The following RTF1 variants were observed in gnomAD, a reference collection of about 807,000 sequenced individuals.
RTF1 encodes RNA polymerase-associated protein RTF1 homolog.
In RTF1, 10 loss-of-function variants were observed where a neutral mutation model predicts 95.7. That is an observed-to-expected ratio of 0.10 (90% CI 0.06 to 0.18). RTF1 has a LOEUF of 0.18. RTF1 is among the 10% of genes least tolerant of loss of function. RTF1 has a pLI of 1.00. For missense variants in RTF1, 458 were observed against 875.6 expected, an observed-to-expected ratio of 0.52 and a Z score of 6.02; for synonymous variants, 305 against 311.8, an observed-to-expected ratio of 0.98 and a Z score of 0.23.
At position 41,480,261 on chromosome 15, in the gene RTF1, C is replaced by G. The variant is rs754100145; in HGVS notation, c.1962C>G (p.Leu654=). Residue 654 remains leucine (L), a synonymous_variant, in exon 17 of 18, where the codon CTC becomes CTG. Transcript: ENST00000389629. The stretch of plus-strand genomic sequence containing the variant: ...TGAATTCTAAGTCAGCCAGTGACCT[C>G]TCAGAAGATCTGTTCAAAGTACACG... ...KDLNSKSASD[L]SEDLFKVHDF... is the part of the protein sequence containing the mutation. The G allele has an allele frequency of 1.9e-6, 3 of 1,614,066 alleles. No homozygotes were observed. The South Asian group carries it at 3.3e-5, about 18-fold the overall frequency.
At chr15:41,467,221 A>G (rs1394184260) in intron 6 of RTF1, among the ~76,000 whole-genome samples, 1 of 151,788 alleles carries the variant, frequency 6.6e-6, no homozygotes, top group Admixed American at 6.6e-5. Flanking sequence ...GGTCTGTTCT[A>G]CCTCTCTCTT....
chr15:41,423,015 A>G (rs2050610448), intron 1 of RTF1, among the ~76,000 whole-genome samples: 1 of 151,740 alleles, frequency 6.6e-6, no homozygotes, highest in Non-Finnish European at 1.5e-5. Flanking sequence ...CTCGTGATCC[A>G]CCCTCCTCGG....
Position 41,469,419 on chromosome 15 carries a change from A to G in RTF1, c.890-838A>G, listed in dbSNP as rs539500403. Among the ~76,000 whole-genome samples the G allele has an allele frequency of 2.5e-3, 384 of 151,280 alleles. 2 individuals carry two copies. The highest frequency in any genetic ancestry group is 6.5e-3 in the South Asian group (31 of 4,770). On this transcript the variant is annotated intron_variant, in intron 6 of 17. Coordinates refer to ENST00000389629, the MANE Select transcript of RTF1 (RefSeq NM_015138.5). The stretch of plus-strand genomic sequence containing the variant: ...GTATTTTTGGTAGAGATGCAGATTC[A>G]CCATGTTGCCCAGGCTGGTCCCAAA...
At chr15:41,445,477 G>T (rs1405616102) in intron 2 of RTF1, among the ~76,000 whole-genome samples, 2 of 152,080 alleles carry the variant, frequency 1.3e-5, no homozygotes, top group Non-Finnish European at 2.9e-5. Flanking sequence ...TTGTGCTTTT[G>T]TCTTCATAAC....
chr15:41,457,898 T>TCCCCCCCC (rs11313160), intron 4 of RTF1, 22 bp downstream of exon 4: 1 of 1,496,052 alleles, frequency 6.7e-7, no homozygotes, highest in Non-Finnish European at 9.1e-7. Context: ...CTCGTCGTTG[T>TCCCCCCCC]CCCCCCCCCG....
intron 4 of RTF1, among the ~76,000 whole-genome samples, chr15:41,460,148 C>T (rs1174257510): frequency 4.8e-5 from 7 of 144,742 alleles, no homozygotes; most frequent in Non-Finnish European, 7.6e-5. Context: ...TTGAGACAGA[C>T]TTTCATTCTT....
At chr15:41,457,905 C>A (rs201885004) in intron 4 of RTF1, 29 bp downstream of exon 4, 11 of 1,564,556 alleles carry the variant, frequency 7.0e-6, no homozygotes, top group South Asian at 5.6e-5. Flanking sequence ...TTGTCCCCCC[C>A]CCGCCCCCAC....
intron 1 of RTF1, among the ~76,000 whole-genome samples, chr15:41,427,174 CAG>C (rs1162284336): frequency 2.0e-5 from 2 of 99,934 alleles, no homozygotes; most frequent in African/African-American, 8.1e-5. Flanking sequence ...TTTTTTGAGA[CAG>C]AGTCTTGCTC....
At chr15:41,456,241 C>T (rs2050815300) in intron 3 of RTF1, among the ~76,000 whole-genome samples, 1 of 151,000 alleles carries the variant, frequency 6.6e-6, no homozygotes, top group Non-Finnish European at 1.5e-5. Context: ...AATCCCAGCA[C>T]TTTGGGAGGC....
At chr15:41,467,848 A>C (rs1367883766) in intron 6 of RTF1, among the ~76,000 whole-genome samples, 4 of 152,078 alleles carry the variant, frequency 2.6e-5, no homozygotes, top group Non-Finnish European at 5.9e-5. Flanking sequence ...AACATGGTGC[A>C]AGCCCATCTC....
At chr15:41,419,941 T>TACTC in intron 1 of RTF1, among the ~76,000 whole-genome samples, 1 of 152,118 alleles carries the variant, frequency 6.6e-6, no homozygotes, top group Non-Finnish European at 1.5e-5. Flanking sequence ...TGCTTCAGCC[T>TACTC]CCCGTGTAGC....
At chr15:41,417,918 G>C (rs1024433833) in intron 1 of RTF1, among the ~76,000 whole-genome samples, 3 of 152,086 alleles carry the variant, frequency 2.0e-5, no homozygotes, top group African/African-American at 7.2e-5. Flanking sequence ...CCCTTGTTGA[G>C]GTGTCAGACC....
In RTF1 at chr15:41,479,204, T is replaced by C; in HGVS notation, c.1914+6T>C. The C allele has an allele frequency of 6.3e-7, 1 of 1,597,732 alleles. No individual in the cohort carries two copies. The highest frequency in any genetic ancestry group is 8.6e-7 in the Non-Finnish European group (1 of 1,165,644). On this transcript the variant is annotated splice_donor_region_variant and intron_variant, in intron 16 of 17. Coordinates refer to ENST00000389629, the MANE Select transcript of RTF1 (RefSeq NM_015138.5). ...CTCCAAAGGAAATGAGCAAGGCAAG[T>C]GTGGTACCACCCTGTTGCCTGCTGA...
rs369433888 is a variant in RTF1, at chr15:41,428,211, C to T, written c.199-10110C>T. On this transcript the variant is annotated intron_variant, in intron 1 of 17. Coordinates refer to ENST00000389629, the MANE Select transcript of RTF1 (RefSeq NM_015138.5). ...CTTGAAGAGATAAAGGACACTGTCA[C>T]TTTGGGGGTTCTTGTTCCAACCCCT... is the stretch of plus-strand genomic sequence containing the variant. Among the ~76,000 whole-genome samples the T allele has an allele frequency of 3.4e-5, 5 of 145,232 alleles. No homozygotes were observed. In the East Asian group the frequency reaches 1.0e-3, roughly 30 times the overall value.
In RTF1 at chr15:41,464,896, C is replaced by A; in HGVS notation, c.777+11C>A. 1 of 1,520,274 alleles carries A rather than the reference C, an allele frequency of 6.6e-7. No homozygotes were observed. The highest frequency in any genetic ancestry group is 1.3e-5 in the South Asian group (1 of 77,514). 94.2% of individuals were successfully genotyped at this position (1,520,274 alleles called of 1,614,324 possible). A position where few individuals can be genotyped will look rare whatever the true frequency, so the allele number is the denominator to read the frequency against. On this transcript the variant is annotated intron_variant, in intron 5 of 17. Coordinates refer to ENST00000389629, the MANE Select transcript of RTF1 (RefSeq NM_015138.5). Reference sequence around the variant, plus strand: ...ATTCAAGAATCTCAGGTAGGAGATTCAGTGTTCCTCATTGTCCAAAGAATA... The same window carrying A: ...ATTCAAGAATCTCAGGTAGGAGATTAAGTGTTCCTCATTGTCCAAAGAATA...
chr15:41,467,704 G>A (rs560652632), intron 6 of RTF1, among the ~76,000 whole-genome samples: 1 of 151,346 alleles, frequency 6.6e-6, no homozygotes, highest in South Asian at 2.1e-4. Context: ...AACAGAGTGA[G>A]ACTCAATCTT....
At chr15:41,440,866 A>G (rs1367574355) in intron 2 of RTF1, among the ~76,000 whole-genome samples, 2 of 152,058 alleles carry the variant, frequency 1.3e-5, no homozygotes, top group East Asian at 1.9e-4. Context: ...TGGGGGGTCT[A>G]TGAAATAATT....
At chr15:41,480,010 G>C (rs186461574) in intron 16 of RTF1, among the ~76,000 whole-genome samples, 46 of 152,238 alleles carry the variant, frequency 3.0e-4, no homozygotes, top group African/African-American at 1.0e-3. Context: ...ACAGACACAA[G>C]CCTGCCCTCT....
intron 1 of RTF1, among the ~76,000 whole-genome samples, chr15:41,437,367 G>C (rs892281955): frequency 4.0e-5 from 6 of 151,194 alleles, no homozygotes; most frequent in Non-Finnish European, 7.4e-5. Flanking sequence ...CGGGCGTGGT[G>C]GTGGGCGCCT....
Sources: gnomAD v4.1 joint callset for allele counts (sites outside exome capture counted in the v4.1 genomes callset) on GRCh38, gnomAD v4.1.1 for gene constraint, MANE v1.5 for transcripts, NCBI Gene and HGNC (gene_info 2026-07-23, HGNC 2026-07-21) for gene names.